WDR25: variants seen among roughly 807,000 people sequenced by gnomAD.
The protein encoded by WDR25 is WD repeat domain 25.
A neutral mutation model predicts 47.7 loss-of-function variants in WDR25; 35 were observed. The observed-to-expected ratio is 0.73, with a 90% confidence interval of 0.56 to 0.97. The LOEUF is 0.97. Ranked by LOEUF, WDR25 falls within the 50% of genes least tolerant of loss-of-function variation. The probability of loss-of-function intolerance (pLI) is 0.00; values close to 1 mark genes in which losing one functional copy is unlikely to be tolerated. For synonymous variants in WDR25, 248 were observed against 278.9 expected (o/e 0.89, Z 1.10); for missense variants, 634 against 704.7 (o/e 0.90, Z 1.14).
Position 100,525,847 on chromosome 14 carries a change from A to G in WDR25, c.1102-23A>G, listed in dbSNP as rs1415332220. On this transcript the variant is annotated intron_variant, in intron 4 of 6. Transcript: ENST00000402312. This position sits in a 1 kb window ranked among gnomAD's most constrained non-coding sequence, Gnocchi z 4.6. ...TGTCCGTGCTGCCAGGCCTGCCAGCATGACCGGTGTCCGCTCTTGCAGGTG... is the reference window on the plus strand; with the variant it reads ...TGTCCGTGCTGCCAGGCCTGCCAGCGTGACCGGTGTCCGCTCTTGCAGGTG... The G allele has an allele frequency of 6.2e-7, 1 of 1,610,554 alleles. No individual in the cohort carries two copies. The highest frequency in any genetic ancestry group is 1.7e-5 in the Admixed American group (1 of 59,918).
chr14:100,452,209 A>C (rs1233661753), intron 2 of WDR25, among the ~76,000 whole-genome samples: 1 of 151,998 alleles, frequency 6.6e-6, no homozygotes, highest in Non-Finnish European at 1.5e-5. Flanking sequence ...CCATCCATCC[A>C]TCCATTTATT....
At chr14:100,445,877 T>C (rs1284659410) in intron 2 of WDR25, among the ~76,000 whole-genome samples, 1 of 152,182 alleles carries the variant, frequency 6.6e-6, no homozygotes, top group East Asian at 1.9e-4. Flanking sequence ...GAAGAAGTAG[T>C]TGGGGTTTAG....
chr14:100,408,976 G>A (rs1218815639), intron 2 of WDR25, among the ~76,000 whole-genome samples: 1 of 152,198 alleles, frequency 6.6e-6, no homozygotes, highest in Non-Finnish European at 1.5e-5. Flanking sequence ...GAGATGTGGA[G>A]CGCTAGACTT....
At chr14:100,448,907 A>G (rs1294613391) in intron 2 of WDR25, among the ~76,000 whole-genome samples, 3 of 151,976 alleles carry the variant, frequency 2.0e-5, no homozygotes, top group Non-Finnish European at 4.4e-5. Flanking sequence ...GTAGGAGCCA[A>G]CCAGGTGGAG....
intron 2 of WDR25, among the ~76,000 whole-genome samples, chr14:100,464,906 A>C (rs1595116744): frequency 1.7e-5 from 2 of 118,934 alleles, no homozygotes; most frequent in African/African-American, 6.7e-5. Context: ...CATCTCCTCT[A>C]CCCGATCTGC....
intron 4 of WDR25, among the ~76,000 whole-genome samples, chr14:100,489,168 G>T (rs969888643): frequency 1.3e-5 from 2 of 152,254 alleles, no homozygotes; most frequent in Non-Finnish European, 2.9e-5. Context: ...GGGAGACCCT[G>T]TGTCAGATGA....
chr14:100,457,192 T>C (rs1394318039), intron 2 of WDR25, among the ~76,000 whole-genome samples: 1 of 152,146 alleles, frequency 6.6e-6, no homozygotes, highest in Admixed American at 6.5e-5. Flanking sequence ...TGACCTCAAG[T>C]GATACACCCA....
chr14:100,389,970 G>T (rs939866889), intron 2 of WDR25, among the ~76,000 whole-genome samples: 1 of 152,196 alleles, frequency 6.6e-6, no homozygotes, highest in Non-Finnish European at 1.5e-5. Flanking sequence ...TGGATTGAGC[G>T]TCTCGGTTTC....
intron 4 of WDR25, among the ~76,000 whole-genome samples, chr14:100,515,931 C>T (rs1228971825): frequency 1.3e-5 from 2 of 151,822 alleles, no homozygotes; most frequent in Non-Finnish European, 2.9e-5. Flanking sequence ...AGCCACCACG[C>T]CCAACCTCTT....
intron 3 of WDR25, chr14:100,481,283 T>C: frequency 1.3e-6 from 1 of 769,998 alleles, no homozygotes; most frequent in Non-Finnish European, 2.1e-6. Context: ...TAGAATACCA[T>C]ATACCATGTC....
intron 4 of WDR25, among the ~76,000 whole-genome samples, chr14:100,510,474 G>A (rs1018348411): frequency 6.6e-5 from 10 of 151,078 alleles, no homozygotes; most frequent in African/African-American, 2.2e-4. Flanking sequence ...AGTGGTTCAC[G>A]CCTGTAATCC....
intron 4 of WDR25, among the ~76,000 whole-genome samples, chr14:100,503,513 G>T (rs1179632297): frequency 6.6e-6 from 1 of 152,202 alleles, no homozygotes; most frequent in Non-Finnish European, 1.5e-5. Flanking sequence ...ACTTTGATAA[G>T]CTGGATCTCA....
chr14:100,504,151 T>C (rs187165332), intron 4 of WDR25, among the ~76,000 whole-genome samples: 94 of 152,352 alleles, frequency 6.2e-4, no homozygotes, highest in African/African-American at 2.2e-3. Flanking sequence ...TGTAAATACT[T>C]TTGTTTCTTT....
At chr14:100,522,802 G>T (rs1428131881) in intron 4 of WDR25, among the ~76,000 whole-genome samples, 1 of 152,218 alleles carries the variant, frequency 6.6e-6, no homozygotes, top group Non-Finnish European at 1.5e-5. Flanking sequence ...CTAAGTGCTT[G>T]GGCCCTCCCA....
At chr14:100,416,339 A>T (rs1168853399) in intron 2 of WDR25, among the ~76,000 whole-genome samples, 1 of 152,194 alleles carries the variant, frequency 6.6e-6, no homozygotes. Context: ...ACGTATTCTC[A>T]ACTCTGATTG....
Position 100,381,726 on chromosome 14 carries a change from T to A in WDR25, c.802T>A (p.Ser268Thr). ...LSKSHMLLST[S>T]MDKTFKVWNA... Reference sequence around the variant, plus strand: ...TAAGAGCCACATGCTTCTCTCCACTTCTATGGATAAAACTTTCAAGGTAAG... The same window carrying A: ...TAAGAGCCACATGCTTCTCTCCACTACTATGGATAAAACTTTCAAGGTAAG... Residue 268 changes from serine (S) to threonine (T), a missense_variant, in exon 2 of 7, where the codon TCT (serine) becomes ACT (threonine). Ser to Thr is a moderately conservative substitution (Grantham distance 58). Coordinates refer to ENST00000402312, the MANE Select transcript of WDR25 (RefSeq NM_001161476.3). 6.2e-7 allele frequency: 1 copy of A among 1,604,110 alleles called. No individual in the cohort carries two copies.
chr14:100,481,975 A>G (rs1178633061), intron 3 of WDR25, among the ~76,000 whole-genome samples: 1 of 152,206 alleles, frequency 6.6e-6, no homozygotes, highest in African/African-American at 2.4e-5. Context: ...TTTCAAAAAT[A>G]ATTACAATAC....
At chr14:100,423,396 G>A (rs1307431083) in intron 2 of WDR25, among the ~76,000 whole-genome samples, 1 of 152,060 alleles carries the variant, frequency 6.6e-6, no homozygotes, top group African/African-American at 2.4e-5. Context: ...CTTCCTCCTT[G>A]GGCCACATAG....
intron 1 of WDR25, chr14:100,376,856 T>C: frequency 1.2e-6 from 1 of 865,580 alleles, no homozygotes; most frequent in Non-Finnish European, 1.5e-6. Flanking sequence ...CCTATTTCTT[T>C]TACTTCCTAG....
Sources: allele counts gnomAD v4.1 joint callset (sites outside exome capture counted in the v4.1 genomes callset), GRCh38; gene constraint gnomAD v4.1.1; non-coding constraint Gnocchi (gnomAD v3.1); transcripts MANE v1.5; gene names NCBI Gene and HGNC (gene_info 2026-07-23, HGNC 2026-07-21).